Variants in SRRT observed in about 807,000 individuals in gnomAD.
SRRT encodes the protein serrate RNA effector molecule homolog.
A neutral mutation model predicts 103.2 loss-of-function variants in SRRT; 32 were observed. The ratio of observed to expected loss-of-function variants is 0.31; its 90% CI spans 0.23 to 0.42. The LOEUF (loss-of-function observed/expected upper bound fraction) is 0.42. Ranked by LOEUF, SRRT falls within the 10% of genes least tolerant of loss-of-function variation. The pLI, the probability that SRRT is intolerant of heterozygous loss-of-function variation, is 1.00. For synonymous variants in SRRT, 525 were observed against 449.0 expected, an observed-to-expected ratio of 1.17 and a Z score of -2.14; for missense variants, 986 against 1,207.5, an observed-to-expected ratio of 0.82 and a Z score of 2.72.
Position 100,887,870 on chromosome 7 carries a change from A to ATCCATGAAGG in SRRT, c.2326+14_2326+23dup. 6.3e-7 allele frequency: 1 copy of ATCCATGAAGG among 1,593,464 alleles called. No homozygotes were observed. The highest frequency in any genetic ancestry group is 1.1e-5 in the South Asian group (1 of 90,554). ...CTGGCCCCGCCCAGAGTAAGATACG[A>ATCCATGAAGG]TCCATGAAGGTCGCATGTGCCCTCT... On this transcript the variant is annotated intron_variant, in intron 17 of 19. Coordinates refer to ENST00000611405, the MANE Select transcript of SRRT (RefSeq NM_015908.6). This position sits in a 1 kb window ranked among gnomAD's most constrained non-coding sequence, Gnocchi z 4.1.
At chr7:100,879,458 C>T (rs574854321) in intron 2 of SRRT, among the ~76,000 whole-genome samples, 19 of 152,192 alleles carry the variant, frequency 1.2e-4, no homozygotes, top group African/African-American at 4.6e-4. Flanking sequence ...TAGAAGCTAT[C>T]CTCTACAAAG....
At position 100,886,298 on chromosome 7, in the gene SRRT, G is replaced by T; in HGVS notation, c.1510G>T (p.Val504Phe). The change falls in exon 13 of 20, where the codon GTT (valine) becomes TTT (phenylalanine). Residue 504 changes from valine (V) to phenylalanine (F), a missense_variant. Val to Phe is a conservative substitution (Grantham distance 50). Transcript: ENST00000611405. ...TGTGAACAGGGACCTGACCCGGCGC[G>T]TTCGCAACATCAACGGCATCACCCA... is the stretch of plus-strand genomic sequence containing the variant. ...PGVNRDLTRR[V>F]RNINGITQHK... The T allele has an allele frequency of 6.2e-7, 1 of 1,613,372 alleles. No individual in the cohort carries two copies. The highest frequency in any genetic ancestry group is 8.5e-7 in the Non-Finnish European group (1 of 1,180,014).
rs1342540850 is a variant in SRRT, at chr7:100,885,504, C to T, written c.1317+134C>T. The T allele has an allele frequency of 4.4e-6, 5 of 1,129,466 alleles. No individual in the cohort carries two copies. Among genetic ancestry groups the T allele is most frequent in the East Asian group, 2.6e-5 (1 of 38,932 alleles). The allele number at this position is 1,129,466 out of a possible 1,614,324, so 70.0% of individuals were successfully genotyped here. On this transcript the variant is annotated intron_variant, in intron 10 of 19. Transcript: ENST00000611405. This position sits in a 1 kb window ranked among gnomAD's most constrained non-coding sequence, Gnocchi z 4.8. ...AGGCCCCTTCCCCAGGTTCCATGGC[C>T]TCCGAGGACTAGTCCTGATAGCGCC...
chr7:100,883,817 T>C (rs996309544), intron 5 of SRRT, among the ~76,000 whole-genome samples: 1 of 152,196 alleles, frequency 6.6e-6, no homozygotes, highest in South Asian at 2.1e-4. Flanking sequence ...CCCCCTGTAG[T>C]CATTGGTCTT....
In SRRT at chr7:100,887,291, A is replaced by C; in HGVS notation, c.1976-29A>C. The C allele has an allele frequency of 6.2e-7, 1 of 1,610,506 alleles. No individual in the cohort carries two copies. The highest frequency in any genetic ancestry group is 8.5e-7 in the Non-Finnish European group (1 of 1,177,340). ...ATCCTTCCTTCTGGCTCCCTTGCCA[A>C]CCTTCCTTCCTCTGTTCCCAAACCA... On this transcript the variant is annotated intron_variant, in intron 15 of 19. Coordinates refer to ENST00000611405, the MANE Select transcript of SRRT (RefSeq NM_015908.6). This position sits in a 1 kb window ranked among gnomAD's most constrained non-coding sequence, Gnocchi z 4.1.
Position 100,884,356 on chromosome 7 carries a change from C to G in SRRT, c.758-12C>G. On this transcript the variant is annotated splice_polypyrimidine_tract_variant and intron_variant, in intron 6 of 19. Coordinates refer to ENST00000611405, the MANE Select transcript of SRRT (RefSeq NM_015908.6). ...GCCCTGGGGTCATGACCTCTGTTCC[C>G]TTTGTTGGTAGCCGTGATTAAGATG... is the stretch of plus-strand genomic sequence containing the variant. The G allele has an allele frequency of 6.2e-7, 1 of 1,613,002 alleles. No individual in the cohort carries two copies. Among genetic ancestry groups the G allele is most frequent in the African/African-American group, 1.3e-5 (1 of 74,798 alleles).
Position 100,887,610 on chromosome 7 carries a change from T to G in SRRT, c.2170-93T>G. On this transcript the variant is annotated intron_variant, in intron 16 of 19. Coordinates refer to ENST00000611405, the MANE Select transcript of SRRT (RefSeq NM_015908.6). The surrounding 1 kb of genome is among the most constrained non-coding windows in gnomAD (Gnocchi z 4.1). Reference sequence around the variant, plus strand: ...GGGGTGGGGGAACTGCTTACTGCACTGGCAGGCGGGAGCTGGGAATCCTTC... The same window carrying G: ...GGGGTGGGGGAACTGCTTACTGCACGGGCAGGCGGGAGCTGGGAATCCTTC... 1.3e-6 allele frequency: 2 copies of G among 1,577,212 alleles called. No homozygotes were observed. Among genetic ancestry groups the G allele is most frequent in the Non-Finnish European group, 1.7e-6 (2 of 1,157,698 alleles).
chr7:100,885,526 C>A lies in SRRT; in HGVS notation c.1317+156C>A. ...GGCCTCCGAGGACTAGTCCTGATAG[C>A]GCCATTGGCTTTCAGGTGCTGGTGT... On this transcript the variant is annotated intron_variant, in intron 10 of 19. Transcript: ENST00000611405. This position sits in a 1 kb window ranked among gnomAD's most constrained non-coding sequence, Gnocchi z 4.8. 4 of 1,074,910 alleles carry A rather than the reference C, an allele frequency of 3.7e-6. No homozygotes were observed. Among genetic ancestry groups the A allele is most frequent in the Non-Finnish European group, 5.4e-6 (4 of 744,670 alleles). 66.6% of individuals were successfully genotyped at this position (1,074,910 alleles called of 1,614,324 possible). A position where few individuals can be genotyped will look rare whatever the true frequency, so the allele number is the denominator to read the frequency against.
rs1789890129 is a variant in SRRT, at chr7:100,884,495, A to G, written c.885A>G (p.Leu295=). Residue 295 remains leucine (L), a synonymous_variant, in exon 7 of 20, where the codon CTA becomes CTG. Coordinates refer to ENST00000611405, the MANE Select transcript of SRRT (RefSeq NM_015908.6). ...AAGAAGGACGGGCTGGAGCAGGCCT[A>G]GGGGACGGGGAGCGCAAAACCAACG... is the stretch of plus-strand genomic sequence containing the variant. ...KKEEGRAGAG[L]GDGERKTNDK... The G allele has an allele frequency of 6.2e-7, 1 of 1,610,770 alleles. No individual in the cohort carries two copies.
chr7:100,884,391 A>T lies in SRRT; in HGVS notation c.781A>T (p.Thr261Ser). Residue 261 changes from threonine (T) to serine (S), a missense_variant, in exon 7 of 20, where the codon ACG becomes TCG. By Grantham distance (58) the Thr-to-Ser change is moderately conservative. This residue lies in a region of SRRT where 274 missense variants were observed against 358.5 expected (regional missense o/e 0.76). Coordinates refer to ENST00000611405, the MANE Select transcript of SRRT (RefSeq NM_015908.6). ...DAAVIKMEGG[T>S]ENDLRILEQE... Reference sequence around the variant, plus strand: ...AGCCGTGATTAAGATGGAAGGAGGCACGGAGAATGATCTTCGCATCCTGGA... The same window carrying T: ...AGCCGTGATTAAGATGGAAGGAGGCTCGGAGAATGATCTTCGCATCCTGGA... 6.2e-7 allele frequency: 1 copy of T among 1,613,618 alleles called. No individual in the cohort carries two copies. The highest frequency in any genetic ancestry group is 1.1e-5 in the South Asian group (1 of 91,052).
At chr7:100,883,934 A>T in intron 5 of SRRT, 136 bp from the exon 6 acceptor site, 3 of 955,984 alleles carry the variant, frequency 3.1e-6, no homozygotes, top group East Asian at 2.7e-5. Context: ...CCTATCCCTT[A>T]ATCTCTCTAT....
intron 2 of SRRT, 105 bp downstream of exon 2, chr7:100,875,817 G>T: frequency 6.9e-7 from 1 of 1,442,568 alleles, no homozygotes; most frequent in South Asian, 1.2e-5. Flanking sequence ...CGAATCCTAT[G>T]AAATGGCTCA....
At chr7:100,881,152 T>C (rs1584740898) in intron 2 of SRRT, 133 bp from the exon 3 acceptor site, 5 of 738,692 alleles carry the variant, frequency 6.8e-6, no homozygotes, top group Admixed American at 3.0e-5. Flanking sequence ...CGGGGGGGGG[T>C]CTCACTATTG....
chr7:100,887,540 C>T lies in SRRT; in HGVS notation c.2169+27C>T, dbSNP rs905592017. ...TGTGGGATGTTGGAGAATGGCCGTG[C>T]TACGGTGGTGGGAGGTGGGGTTGAG... On this transcript the variant is annotated intron_variant, in intron 16 of 19. Coordinates refer to ENST00000611405, the MANE Select transcript of SRRT (RefSeq NM_015908.6). This position sits in a 1 kb window ranked among gnomAD's most constrained non-coding sequence, Gnocchi z 4.1. The T allele has an allele frequency of 2.5e-6, 4 of 1,609,022 alleles. No individual in the cohort carries two copies. In the African/African-American group the frequency reaches 5.3e-5, roughly 22 times the overall value.
At position 100,882,576 on chromosome 7, in the gene SRRT, T is replaced by C; in HGVS notation, c.587+335T>C. 1 of 222,560 alleles carries C rather than the reference T, an allele frequency of 4.5e-6. No individual in the cohort carries two copies. Among genetic ancestry groups the C allele is most frequent in the Non-Finnish European group, 8.8e-6 (1 of 113,678 alleles). 13.8% of individuals were successfully genotyped at this position (222,560 alleles called of 1,614,324 possible). On this transcript the variant is annotated intron_variant, in intron 5 of 19. Transcript: ENST00000611405. The surrounding 1 kb of genome is among the most constrained non-coding windows in gnomAD (Gnocchi z 4.2). ...CATCCCTGATCACCAGGACCCTGTG[T>C]GGCTGTGGCGTCCTCCTAAAGCGAC...
chr7:100,877,081 A>G (rs1448606404), intron 2 of SRRT, among the ~76,000 whole-genome samples: 2 of 152,004 alleles, frequency 1.3e-5, no homozygotes, highest in Non-Finnish European at 2.9e-5. Flanking sequence ...GATGGGTAAA[A>G]CCGCTGATGC....
At position 100,885,952 on chromosome 7, in the gene SRRT, G is replaced by T; in HGVS notation, c.1458+11G>T. 6.2e-7 allele frequency: 1 copy of T among 1,613,700 alleles called. No individual in the cohort carries two copies. Among genetic ancestry groups the T allele is most frequent in the East Asian group, 2.2e-5 (1 of 44,872 alleles). On this transcript the variant is annotated intron_variant, in intron 12 of 19. Transcript: ENST00000611405. This position sits in a 1 kb window ranked among gnomAD's most constrained non-coding sequence, Gnocchi z 4.8. Reference sequence around the variant, plus strand: ...CTGCAGAACATCCGTGTGAGTGCTGGGGGTGGGACTGTGGGGAAGAGGAAG... The same window carrying T: ...CTGCAGAACATCCGTGTGAGTGCTGTGGGTGGGACTGTGGGGAAGAGGAAG...
intron 2 of SRRT, among the ~76,000 whole-genome samples, chr7:100,878,056 A>G (rs1278009107): frequency 6.6e-6 from 1 of 152,154 alleles, no homozygotes; most frequent in Admixed American, 6.5e-5. Flanking sequence ...TCATGCCTGT[A>G]ATCCCAACAC....
chr7:100,878,872 A>G (rs931556489), intron 2 of SRRT, among the ~76,000 whole-genome samples: 6 of 150,510 alleles, frequency 4.0e-5, no homozygotes, highest in African/African-American at 4.9e-5. Flanking sequence ...CAGCTAACCT[A>G]CTTTCTTCCT....
Sources: allele counts gnomAD v4.1 joint callset (sites outside exome capture counted in the v4.1 genomes callset), GRCh38; gene constraint gnomAD v4.1.1; regional missense constraint gnomAD v4.1.1; non-coding constraint Gnocchi (gnomAD v3.1); transcripts MANE v1.5; gene names NCBI Gene and HGNC (gene_info 2026-07-23, HGNC 2026-07-21).